Variants in TMEM132D observed in about 807,000 individuals in gnomAD.
The protein encoded by TMEM132D is mature OL transmembrane protein.
A neutral mutation model predicts 62.3 loss-of-function variants in TMEM132D; 21 were observed. That is an observed-to-expected ratio of 0.34 (90% confidence interval 0.24 to 0.49). The LOEUF (loss-of-function observed/expected upper bound fraction) is 0.49, where lower values mean the gene tolerates loss of function less well. Among genes scored for constraint, TMEM132D ranks in the 20% least tolerant of loss-of-function variants. The pLI is 0.99. For synonymous variants in TMEM132D, 621 were observed against 575.6 expected (o/e 1.08, Z -1.13); for missense variants, 1,346 against 1,402.8 (o/e 0.96, Z 0.65).
At chr12:129,300,391 G>A (rs187430337) in intron 4 of TMEM132D, among the ~76,000 whole-genome samples, 2 of 152,358 alleles carry the variant, frequency 1.3e-5, no homozygotes, top group East Asian at 1.9e-4. Flanking sequence ...GACTTGGGAT[G>A]AAGAAATGTG....
chr12:129,141,795 T>C (rs1876746667), intron 5 of TMEM132D, among the ~76,000 whole-genome samples: 1 of 151,926 alleles, frequency 6.6e-6, no homozygotes, highest in East Asian at 1.9e-4. Flanking sequence ...GAGCAAAGTT[T>C]GAAAAACTAA....
chr12:129,203,250 T>A (rs745494505), intron 5 of TMEM132D, among the ~76,000 whole-genome samples: 23 of 152,250 alleles, frequency 1.5e-4, no homozygotes, highest in Non-Finnish European at 2.4e-4. Flanking sequence ...TTTCTGTCTA[T>A]AAATGTTATC....
At chr12:129,753,802 C>A (rs939801645) in intron 1 of TMEM132D, among the ~76,000 whole-genome samples, 1 of 152,226 alleles carries the variant, frequency 6.6e-6, no homozygotes, top group Admixed American at 6.5e-5. Context: ...GCAGGGCACC[C>A]TGCTAACCGT....
rs1565968421 is a variant in TMEM132D at position 129,739,143 on chromosome 12, CGG to C, written c.80-38447_80-38446del. On this transcript the variant is annotated intron_variant, in intron 1 of 8. Transcript: ENST00000422113. ...TGCCCTAGCCCAGCTCACTCTTAGG[CGG>C]TATAGTGAGGAGGTGGGTGGGTTAT... Among the ~76,000 whole-genome samples, 27 of 152,262 alleles carry C rather than the reference CGG, an allele frequency of 1.8e-4. No homozygotes were observed. The South Asian group carries it at 4.8e-3, about 27-fold the overall frequency.
intron 3 of TMEM132D, among the ~76,000 whole-genome samples, chr12:129,424,707 CAAAAAAAAAAAAAAA>C (rs11385383): frequency 6.3e-5 from 2 of 31,828 alleles, no homozygotes. Flanking sequence ...GACTCCATCT[CAAAAAAAAAAAAAAA>C]AAAAAAAAAA....
At chr12:129,744,041 C>T (rs1869695664) in intron 1 of TMEM132D, among the ~76,000 whole-genome samples, 1 of 152,144 alleles carries the variant, frequency 6.6e-6, no homozygotes, top group Non-Finnish European at 1.5e-5. Context: ...GTGTTGCCTC[C>T]CTGCTCAGGA....
At chr12:129,810,725 CAA>C (rs1238332893) in intron 1 of TMEM132D, among the ~76,000 whole-genome samples, 1 of 152,072 alleles carries the variant, frequency 6.6e-6, no homozygotes, top group East Asian at 1.9e-4. Flanking sequence ...CCAGGAATAA[CAA>C]AACATTCAAA....
At chr12:129,505,299 G>A (rs188440376) in intron 3 of TMEM132D, among the ~76,000 whole-genome samples, 1,654 of 151,370 alleles carry the variant, frequency 0.011, 23 homozygotes, top group African/African-American at 0.038. Flanking sequence ...CTGGAGTGCA[G>A]TGGCGCAATC....
At chr12:129,530,384 C>G (rs543970100) in intron 3 of TMEM132D, among the ~76,000 whole-genome samples, 1 of 152,218 alleles carries the variant, frequency 6.6e-6, no homozygotes, top group Non-Finnish European at 1.5e-5. Flanking sequence ...AAATATGTGA[C>G]CAGACTAGGA....
At chr12:129,799,121 T>G (rs1437208192) in intron 1 of TMEM132D, among the ~76,000 whole-genome samples, 1 of 151,830 alleles carries the variant, frequency 6.6e-6, no homozygotes, top group Non-Finnish European at 1.5e-5. Flanking sequence ...AAAAATTAGC[T>G]GGGTGTGGTG....
intron 5 of TMEM132D, among the ~76,000 whole-genome samples, chr12:129,203,420 T>A (rs1382820413): frequency 6.6e-6 from 1 of 152,254 alleles, no homozygotes; most frequent in Admixed American, 6.5e-5. Context: ...AGGGCAATGC[T>A]TGCTAGAGCT....
At position 129,269,109 on chromosome 12, in the gene TMEM132D, T is replaced by C. The variant is rs1880781258; in HGVS notation, c.1300-59446A>G. 2.0e-5 allele frequency among the ~76,000 whole-genome samples: 3 copies of C among 152,056 alleles called. No homozygotes were observed. In the South Asian group the frequency reaches 6.3e-4, roughly 32 times the overall value. On this transcript the variant is annotated intron_variant, in intron 4 of 8. Transcript: ENST00000422113. ...GGGTGCAGCACACCAACATGGCACA[T>C]GTGTACATATGTAACAGACCTGCAC...
intron 3 of TMEM132D, among the ~76,000 whole-genome samples, chr12:129,479,271 A>C (rs1379810486): frequency 6.6e-6 from 1 of 152,242 alleles, no homozygotes; most frequent in Non-Finnish European, 1.5e-5. Context: ...AGATTGTACC[A>C]TGTGAAAAAG....
At chr12:129,264,052 G>A (rs1026254847) in intron 4 of TMEM132D, among the ~76,000 whole-genome samples, 9 of 152,108 alleles carry the variant, frequency 5.9e-5, no homozygotes, top group South Asian at 2.1e-4. Flanking sequence ...AGTGCTGGCC[G>A]TCACCTGCAG....
chr12:129,609,002 G>A (rs1434671715), intron 2 of TMEM132D, among the ~76,000 whole-genome samples: 2 of 150,922 alleles, frequency 1.3e-5, no homozygotes, highest in African/African-American at 2.4e-5. Flanking sequence ...GTGTAGTGGC[G>A]TGATCTTGGC....
At chr12:129,593,425 A>T (rs1878249236) in intron 2 of TMEM132D, among the ~76,000 whole-genome samples, 1 of 152,228 alleles carries the variant, frequency 6.6e-6, no homozygotes, top group Non-Finnish European at 1.5e-5. Flanking sequence ...CTGGTCACAC[A>T]TTGGCTGGGT....
chr12:129,337,432 T>TACACAC (rs889062618), intron 4 of TMEM132D, among the ~76,000 whole-genome samples: 16 of 109,650 alleles, frequency 1.5e-4, no homozygotes, highest in African/African-American at 5.8e-4. Flanking sequence ...TAGATATAGA[T>TACACAC]ACACACACGC....
intron 3 of TMEM132D, among the ~76,000 whole-genome samples, chr12:129,365,109 T>G (rs74529739): frequency 0.057 from 8,697 of 152,194 alleles, 650 homozygotes; most frequent in East Asian, 0.37. Flanking sequence ...GAGCTGATGG[T>G]GTTAGATTTT....
intron 3 of TMEM132D, among the ~76,000 whole-genome samples, chr12:129,401,677 G>T (rs60349995): frequency 3.3e-5 from 5 of 152,068 alleles, no homozygotes; most frequent in Admixed American, 6.6e-5. Flanking sequence ...TTGCAAATAA[G>T]GAAGTGAAAG....
Sources: gnomAD v4.1 joint callset for allele counts (sites outside exome capture counted in the v4.1 genomes callset) on GRCh38, gnomAD v4.1.1 for gene constraint, MANE v1.5 for transcripts, NCBI Gene and HGNC (gene_info 2026-07-23, HGNC 2026-07-21) for gene names.